The following DHX57 variants were observed in gnomAD, a reference collection of about 807,000 sequenced individuals.
The protein encoded by DHX57 is DExH-box helicase 57.
DHX57 carries 105 observed loss-of-function variants against 156.2 expected under a neutral mutation model. That is an observed-to-expected ratio of 0.67 (90% confidence interval 0.57 to 0.79). The LOEUF is 0.79. Among genes scored for constraint, DHX57 ranks in the 30% least tolerant of loss-of-function variants. DHX57 has a pLI of 0.00. For synonymous variants in DHX57, 704 were observed against 595.6 expected, an observed-to-expected ratio of 1.18 and a Z score of -2.65; for missense variants, 1,847 against 1,661.9, an observed-to-expected ratio of 1.11 and a Z score of -1.94.
At chr2:38,871,963 C>A (rs1665378445) in intron 1 of DHX57, among the ~76,000 whole-genome samples, 1 of 152,180 alleles carries the variant, frequency 6.6e-6, no homozygotes, top group Admixed American at 6.5e-5. Flanking sequence ...CTGCCTCGGC[C>A]TCCCAAAGTG....
intron 2 of DHX57, 26 bp downstream of exon 2, chr2:38,868,156 T>G: frequency 6.2e-7 from 1 of 1,609,488 alleles, no homozygotes; most frequent in Non-Finnish European, 8.5e-7. Flanking sequence ...ATTTCCATAT[T>G]TAAACATTCA....
Position 38,861,166 on chromosome 2 carries a change from A to G in DHX57, c.1244T>C (p.Leu415Ser), listed in dbSNP as rs756287823. 1 of 1,614,178 alleles carries G rather than the reference A, an allele frequency of 6.2e-7. No homozygotes were observed. Among genetic ancestry groups the G allele is most frequent in the Non-Finnish European group, 8.5e-7 (1 of 1,180,016 alleles). ...CTTGACTATTTCCGACTCTTCCTCT[A>G]AAAGGGTTATCAAAGAATATACGAC... Reference protein sequence around the residue: ...EPVVYSLITLLEEESEIVKLL... With the variant: ...EPVVYSLITLSEEESEIVKLL... The change falls in exon 5 of 24, where the codon TTA becomes TCA. Residue 415 changes from leucine to serine, a missense_variant. By Grantham distance (145) the Leu-to-Ser change is moderately radical. Transcript: ENST00000457308.
At position 38,798,418 on chromosome 2, in the gene DHX57, G is replaced by C; in HGVS notation, c.4042C>G (p.Arg1348Gly). ...HQVAELVKEL[R>G]CELDQLLQDK... ...TGGAGAAGCTGATCAAGTTCGCAAC[G>C]AAGCTCCTTTACCAGTTCAGCCACC... Residue 1348 changes from arginine (R) to glycine (G), a missense_variant, in exon 24 of 24, where the codon CGT becomes GGT. Transcript: ENST00000457308. The C allele has an allele frequency of 6.2e-7, 1 of 1,613,682 alleles. No individual in the cohort carries two copies. The highest frequency in any genetic ancestry group is 1.7e-4 in the Middle Eastern group (1 of 6,056).
chr2:38,855,209 A>T lies in DHX57; in HGVS notation c.1753T>A (p.Ser585Thr). The T allele has an allele frequency of 3.1e-6, 5 of 1,614,214 alleles. No individual in the cohort carries two copies. Among genetic ancestry groups the T allele is most frequent in the Non-Finnish European group, 4.2e-6 (5 of 1,180,026 alleles). The change falls in exon 8 of 24, where the codon TCT becomes ACT. Residue 585 changes from serine (S) to threonine (T), a missense_variant. Physicochemically the swap from Ser to Thr is moderately conservative, Grantham distance 58. Coordinates refer to ENST00000457308, the MANE Select transcript of DHX57 (RefSeq NM_198963.3). ...TQIPQFILDD[S>T]LNGPPEKVAN... ...ACCTTCTCAGGTGGTCCATTCAGAGAATCATCCAGAATAAACTGCGGAATT... is the reference window on the plus strand; with the variant it reads ...ACCTTCTCAGGTGGTCCATTCAGAGTATCATCCAGAATAAACTGCGGAATT...
intron 9 of DHX57, among the ~76,000 whole-genome samples, chr2:38,850,475 T>C (rs1194308049): frequency 6.6e-6 from 1 of 152,060 alleles, no homozygotes; most frequent in Non-Finnish European, 1.5e-5. Flanking sequence ...TTGCCCAGGC[T>C]GGTCTCAAAC....
chr2:38,867,147 C>T (rs890337182), intron 2 of DHX57: 19 of 152,158 alleles, frequency 1.2e-4, no homozygotes, highest in African/African-American at 4.6e-4. Flanking sequence ...AGTACAGCAA[C>T]ATGCTGTATA....
In DHX57 at chr2:38,854,989, C is replaced by T. The variant is rs766133869; in HGVS notation, c.1905+68G>A. Reference sequence around the variant, plus strand: ...CCCAAATTGCCCATGAATCTCCTAACCCCCAAAACTTTTTATACCTAAAAA... The same window carrying T: ...CCCAAATTGCCCATGAATCTCCTAATCCCCAAAACTTTTTATACCTAAAAA... On this transcript the variant is annotated intron_variant, in intron 8 of 23. Transcript: ENST00000457308. The T allele has an allele frequency of 1.9e-6, 3 of 1,573,262 alleles. No homozygotes were observed. In the African/African-American group the frequency reaches 4.1e-5, roughly 21 times the overall value.
chr2:38,870,270 A>G (rs1665291919), intron 1 of DHX57, among the ~76,000 whole-genome samples: 2 of 152,202 alleles, frequency 1.3e-5, no homozygotes, highest in African/African-American at 4.8e-5. Context: ...GAAGGAAAGG[A>G]AAGAAAGAAA....
At chr2:38,831,138 CACA>C (rs1420539537) in intron 13 of DHX57, among the ~76,000 whole-genome samples, 1 of 151,432 alleles carries the variant, frequency 6.6e-6, no homozygotes, top group Non-Finnish European at 1.5e-5. Context: ...AAAAAAAAGC[CACA>C]ACATTAAACA....
intron 9 of DHX57, among the ~76,000 whole-genome samples, chr2:38,852,389 T>G (rs1238540319): frequency 1.3e-5 from 2 of 150,136 alleles, no homozygotes; most frequent in Non-Finnish European, 3.0e-5. Flanking sequence ...TGCTTTCCTA[T>G]CAGTCCACCA....
At chr2:38,813,792 G>C in intron 21 of DHX57, 29 bp downstream of exon 21, 2 of 1,611,050 alleles carry the variant, frequency 1.2e-6, no homozygotes, top group Non-Finnish European at 1.7e-6. Flanking sequence ...AACAAAAAAT[G>C]GAAAGATCTA....
rs1558382050 is a variant in DHX57, at chr2:38,837,912, T to C, written c.2461A>G (p.Met821Val). Residue 821 changes from methionine (M) to valine (V), a missense_variant, in exon 13 of 24, where the codon ATG becomes GTG. Met to Val is a conservative substitution (Grantham distance 21). Transcript: ENST00000457308. The part of the protein sequence containing the change: ...SKSVIKTMSI[M>V]DFEKVNLELI... ...TCAAGATTCACCTTTTCAAAATCCATGATGGACATTGTTTTGATGACTGAC... is the reference window on the plus strand; with the variant it reads ...TCAAGATTCACCTTTTCAAAATCCACGATGGACATTGTTTTGATGACTGAC... 4.3e-6 allele frequency: 7 copies of C among 1,613,662 alleles called. No individual in the cohort carries two copies. Among genetic ancestry groups the C allele is most frequent in the Non-Finnish European group, 5.9e-6 (7 of 1,179,636 alleles).
intron 2 of DHX57, among the ~76,000 whole-genome samples, chr2:38,865,809 T>C (rs1413105724): frequency 6.6e-6 from 1 of 152,250 alleles, no homozygotes; most frequent in Non-Finnish European, 1.5e-5. Context: ...TAGATCTTTT[T>C]CTTGAACCTC....
intron 12 of DHX57, among the ~76,000 whole-genome samples, chr2:38,841,238 A>C (rs1044793074): frequency 2.0e-5 from 3 of 152,244 alleles, no homozygotes; most frequent in African/African-American, 4.8e-5. Flanking sequence ...AATTAGAATC[A>C]TGGATCTGCA....
chr2:38,829,781 T>C (rs966868838), intron 13 of DHX57, among the ~76,000 whole-genome samples: 5 of 152,114 alleles, frequency 3.3e-5, no homozygotes, highest in African/African-American at 1.2e-4. Flanking sequence ...AAGACAATTT[T>C]ATTAATAAAT....
At chr2:38,825,725 T>C in intron 16 of DHX57, 122 bp downstream of exon 16, 1 of 939,146 alleles carries the variant, frequency 1.1e-6, no homozygotes, top group Admixed American at 2.4e-5. Context: ...CACAAATAAA[T>C]GAGATTATTG....
chr2:38,820,111 C>T (rs1212413416), intron 17 of DHX57, among the ~76,000 whole-genome samples: 2 of 152,170 alleles, frequency 1.3e-5, no homozygotes, highest in East Asian at 3.8e-4. Context: ...AACCATAGTG[C>T]TTCTCTCTAA....
rs770252297 is a variant in DHX57, at chr2:38,848,387, T to C, written c.2046A>G (p.Leu682=). Residue 682 remains leucine (L), a synonymous_variant, in exon 10 of 24, where the codon CTA becomes CTG. Coordinates refer to ENST00000457308, the MANE Select transcript of DHX57 (RefSeq NM_198963.3). The part of the protein sequence containing the change: ...ERTEESDFLL[L]VLKDIVSQRP... ...TCTGCGATACAATGTCCTTCAAAACTAGCAGCAAGAAGTCACTAGAGAAAA... is the reference window on the plus strand; with the variant it reads ...TCTGCGATACAATGTCCTTCAAAACCAGCAGCAAGAAGTCACTAGAGAAAA... 41 of 1,601,736 alleles carry C rather than the reference T, an allele frequency of 2.6e-5. No individual in the cohort carries two copies. The South Asian group carries it at 4.2e-4, about 16-fold the overall frequency.
chr2:38,822,959 G>A (rs1460539956), intron 17 of DHX57, 34 bp downstream of exon 17: 5 of 1,603,654 alleles, frequency 3.1e-6, no homozygotes, highest in Middle Eastern at 3.3e-4. Context: ...GGTCCTCTTA[G>A]AGACTCCAGT....
Sources: gnomAD v4.1 joint callset for allele counts (sites outside exome capture counted in the v4.1 genomes callset) on GRCh38, gnomAD v4.1.1 for gene constraint, MANE v1.5 for transcripts, NCBI Gene and HGNC (gene_info 2026-07-23, HGNC 2026-07-21) for gene names.